APP: variants seen among roughly 807,000 people sequenced by gnomAD.
The protein encoded by APP is amyloid-beta precursor protein.
APP carries 31 observed loss-of-function variants against 101.4 expected under a neutral mutation model. The ratio of observed to expected loss-of-function variants is 0.31; its 90% confidence interval spans 0.23 to 0.41. APP has a LOEUF of 0.41. APP is among the 10% of genes least tolerant of loss of function. APP has a pLI of 1.00. For missense variants in APP, 839 were observed against 1,003.7 expected (o/e 0.84, Z 2.22); for synonymous variants, 366 against 364.4 (o/e 1.00, Z -0.05).
rs1011170006 is a variant in APP at position 26,105,140 on chromosome 21, G to A, written c.225+6839C>T. 2.0e-5 allele frequency among the ~76,000 whole-genome samples: 3 copies of A among 150,702 alleles called. No homozygotes were observed. In the South Asian group the frequency reaches 6.3e-4, roughly 31 times the overall value. On this transcript the variant is annotated intron_variant, in intron 2 of 17. Coordinates refer to ENST00000346798, the MANE Select transcript of APP (RefSeq NM_000484.4). ...TACCAGAATACCGTGAATTTTCATG[G>A]TGCTGAATCAAACACCCATCAACCA...
intron 1 of APP, among the ~76,000 whole-genome samples, chr21:26,132,343 A>G (rs907922841): frequency 6.6e-6 from 1 of 152,246 alleles, no homozygotes; most frequent in Non-Finnish European, 1.5e-5. Flanking sequence ...TTCTGATTTT[A>G]GCTCAACCTT....
At chr21:26,105,114 A>G (rs544511300) in intron 2 of APP, among the ~76,000 whole-genome samples, 81 of 151,892 alleles carry the variant, frequency 5.3e-4, no homozygotes, top group African/African-American at 1.7e-3. Context: ...CCAATGACAG[A>G]TACCAGAATA....
At chr21:26,114,479 C>A (rs979184) in intron 1 of APP, among the ~76,000 whole-genome samples, 1 of 152,046 alleles carries the variant, frequency 6.6e-6, no homozygotes, top group Non-Finnish European at 1.5e-5. Flanking sequence ...AAAAACAAAC[C>A]CTTTGCTACC....
Position 25,979,318 on chromosome 21 carries a change from G to C in APP, c.1224+3026C>G, listed in dbSNP as rs555806684. Reference sequence around the variant, plus strand: ...ATTCTCAGGACCTGGCCCTTGCAGTGGCTCTATGGATTCTTATAAAGCAAT... The same window carrying C: ...ATTCTCAGGACCTGGCCCTTGCAGTCGCTCTATGGATTCTTATAAAGCAAT... On this transcript the variant is annotated intron_variant, in intron 9 of 17. Transcript: ENST00000346798. 9.3e-4 allele frequency among the ~76,000 whole-genome samples: 142 copies of C among 152,258 alleles called. No homozygotes were observed. The Middle Eastern group carries it at 0.01, about 11-fold the overall frequency.
intron 8 of APP, among the ~76,000 whole-genome samples, chr21:25,984,514 A>G (rs1216431842): frequency 6.6e-6 from 1 of 152,198 alleles, no homozygotes; most frequent in Non-Finnish European, 1.5e-5. Context: ...AAAAAGGTAA[A>G]TGTTTTTCTC....
At chr21:25,931,496 G>A (rs189664051) in intron 13 of APP, among the ~76,000 whole-genome samples, 11 of 152,276 alleles carry the variant, frequency 7.2e-5, no homozygotes, top group African/African-American at 2.4e-4. Flanking sequence ...AGTGACCTGC[G>A]CTTCATGAAC....
At chr21:26,166,464 T>C (rs2063612255) in intron 1 of APP, among the ~76,000 whole-genome samples, 1 of 152,208 alleles carries the variant, frequency 6.6e-6, no homozygotes, top group Non-Finnish European at 1.5e-5. Flanking sequence ...GATTTTTTTA[T>C]TTCTGTTTTC....
intron 7 of APP, 98 bp downstream of exon 7, chr21:25,999,917 C>G (rs2043215103): frequency 5.1e-6 from 7 of 1,378,414 alleles, no homozygotes; most frequent in Non-Finnish European, 7.1e-6. Context: ...TAGCAACAGG[C>G]CCATTCCCAA....
intron 4 of APP, among the ~76,000 whole-genome samples, chr21:26,052,383 G>T (rs1292149294): frequency 1.3e-5 from 2 of 152,152 alleles, no homozygotes; most frequent in African/African-American, 4.8e-5. Context: ...AGGGACAGGG[G>T]ATCAAAATTG....
At chr21:26,159,655 A>T (rs2063449955) in intron 1 of APP, among the ~76,000 whole-genome samples, 1 of 152,252 alleles carries the variant, frequency 6.6e-6, no homozygotes, top group Non-Finnish European at 1.5e-5. Flanking sequence ...ATAACTTCGC[A>T]TGTGATAATA....
At chr21:25,930,586 T>TTATATATATA (rs34986093) in intron 13 of APP, among the ~76,000 whole-genome samples, 16 of 150,148 alleles carry the variant, frequency 1.1e-4, no homozygotes, top group African/African-American at 2.0e-4. Context: ...ATAGCACAAA[T>TTATATATATA]TATATATATA....
intron 1 of APP, chr21:26,140,506 C>CTTTGTGCCA: frequency 1.8e-6 from 1 of 553,436 alleles, no homozygotes; most frequent in Non-Finnish European, 2.7e-6. Context: ...ATTTTCTTGG[C>CTTTGTGCCA]ACAAAGCCAA....
chr21:26,061,815 G>C (rs908598074), intron 3 of APP, among the ~76,000 whole-genome samples: 1 of 152,150 alleles, frequency 6.6e-6, no homozygotes, highest in Admixed American at 6.5e-5. Flanking sequence ...CAAAAGAAGT[G>C]AAAACTAAAA....
At position 26,078,818 on chromosome 21, in the gene APP, C is replaced by T. The variant is rs1005044549; in HGVS notation, c.355+11125G>A. ...CCCAGCACTTTGGGAGGCCGAGGCG[C>T]GGATCACCTGAGGTCGGGAGCTCGA... On this transcript the variant is annotated intron_variant, in intron 3 of 17. Transcript: ENST00000346798. 2.6e-5 allele frequency among the ~76,000 whole-genome samples: 4 copies of T among 152,184 alleles called. No homozygotes were observed. In the South Asian group the frequency reaches 8.3e-4, roughly 32 times the overall value.
intron 1 of APP, among the ~76,000 whole-genome samples, chr21:26,136,165 AAAG>A (rs1476719795): frequency 4.6e-5 from 2 of 43,734 alleles, no homozygotes; most frequent in African/African-American, 3.0e-4. Context: ...AAAAGAAAAG[AAAG>A]AAAAGAAAGA....
rs576478522 is a variant in APP, at chr21:26,140,964, T to G, written c.58-28818A>C. On this transcript the variant is annotated intron_variant, in intron 1 of 17. Transcript: ENST00000346798. ...AGGAGTAAAGACAGAGGATTTGGAA[T>G]GAGACTGCATAGGTTTAAATTCTAA... 2.0e-5 allele frequency among the ~76,000 whole-genome samples: 3 copies of G among 152,340 alleles called. No homozygotes were observed. In the South Asian group the frequency reaches 6.2e-4, roughly 32 times the overall value.
intron 3 of APP, among the ~76,000 whole-genome samples, chr21:26,059,217 T>G (rs1475063884): frequency 3.3e-5 from 5 of 152,208 alleles, no homozygotes; most frequent in Admixed American, 3.3e-4. Flanking sequence ...CACAGATTAT[T>G]TGAATATCAG....
chr21:26,090,002 TTGC>T lies in APP; in HGVS notation c.293_295del (p.Cys98_Lys99delinsTer). ...GGTCTTGCACTGCTTGCGGCCCCGC[TTGC>T]ACCAGTTCTGGATGGTCACTGGTTG... On this transcript the variant is annotated stop_gained and inframe_deletion, in exon 3 of 18. Coordinates refer to ENST00000346798, the MANE Select transcript of APP (RefSeq NM_000484.4). LOFTEE classifies it high-confidence loss of function. 6.2e-7 allele frequency: 1 copy of T among 1,614,190 alleles called. No homozygotes were observed. Among genetic ancestry groups the T allele is most frequent in the Non-Finnish European group, 8.5e-7 (1 of 1,180,034 alleles).
intron 11 of APP, among the ~76,000 whole-genome samples, chr21:25,967,594 T>C (rs981397816): frequency 6.6e-6 from 1 of 152,178 alleles, no homozygotes; most frequent in Admixed American, 6.5e-5. Flanking sequence ...TTGATTGAAA[T>C]AAAAAATCCC....
Sources: allele counts gnomAD v4.1 joint callset (sites outside exome capture counted in the v4.1 genomes callset), GRCh38; gene constraint gnomAD v4.1.1; transcripts MANE v1.5; gene names NCBI Gene and HGNC (gene_info 2026-07-23, HGNC 2026-07-21).